Variants in SYAP1 observed in about 807,000 individuals in gnomAD.
The protein encoded by SYAP1 is synapse associated protein 1.
In SYAP1, 3 loss-of-function variants were observed where a neutral mutation model predicts 29.6. The observed-to-expected ratio is 0.10, with a 90% CI of 0.05 to 0.26. The LOEUF is 0.26. Ranked by LOEUF, SYAP1 falls within the 10% of genes least tolerant of loss-of-function variation. SYAP1 has a pLI of 1.00. For synonymous variants in SYAP1, 102 were observed against 102.7 expected, an observed-to-expected ratio of 0.99 and a Z score of 0.04; for missense variants, 217 against 264.1, an observed-to-expected ratio of 0.82 and a Z score of 1.24.
chrX:16,760,099 A>C, intron 8 of SYAP1, 133 bp from the exon 9 acceptor site: 1 of 543,733 alleles, frequency 1.8e-6, no homozygotes, highest in Non-Finnish European at 2.8e-6. Flanking sequence ...CTGAGCACAC[A>C]TAGTAGTGAA....
intron 5 of SYAP1, among the ~76,000 whole-genome samples, chrX:16,746,871 C>T (rs972588816): frequency 1.8e-5 from 2 of 112,305 alleles, no homozygotes; most frequent in Non-Finnish European, 3.8e-5. Flanking sequence ...TACAGGCCAC[C>T]GCACCCAGCC....
At position 16,762,386 on chromosome X, in the gene SYAP1, T is replaced by C. The variant is rs746504189; in HGVS notation, c.*2027T>C. On this transcript the variant is annotated 3_prime_UTR_variant, in exon 9 of 9. Coordinates refer to ENST00000380155, the MANE Select transcript of SYAP1 (RefSeq NM_032796.4). ...CTATCAATTTTACATAATATCTCAT[T>C]TAAAAACAACCTAATTATGCATTGC... is the stretch of plus-strand genomic sequence containing the variant. The C allele has an allele frequency of 4.5e-5, 5 of 111,511 alleles. No individual in the cohort carries two copies. The highest frequency in any genetic ancestry group is 7.5e-5 in the Non-Finnish European group (4 of 53,142). 9.2% of individuals were successfully genotyped at this position (111,511 alleles called of 1,213,427 possible).
chrX:16,757,241 A>C lies in SYAP1; in HGVS notation c.863A>C (p.Glu288Ala). The C allele has an allele frequency of 8.3e-7, 1 of 1,210,768 alleles. No homozygotes were observed. Among genetic ancestry groups the C allele is most frequent in the South Asian group, 1.8e-5 (1 of 56,956 alleles). Reference protein sequence around the residue: ...DAFDACNLNQEDLRKEMEQLV... With the variant: ...DAFDACNLNQADLRKEMEQLV... The stretch of plus-strand genomic sequence containing the variant: ...TTCGATGCCTGTAACCTAAATCAGG[A>C]AGATCTAAGGAAAGAAATGGAGCAA... The change falls in exon 8 of 9, where the codon GAA (glutamate) becomes GCA (alanine). Residue 288 changes from glutamate (E) to alanine (A), a missense_variant. By Grantham distance (107) the Glu-to-Ala change is moderately radical (BLOSUM62 -1). Coordinates refer to ENST00000380155, the MANE Select transcript of SYAP1 (RefSeq NM_032796.4).
At chrX:16,737,819 G>A (rs1321560317) in intron 3 of SYAP1, among the ~76,000 whole-genome samples, 1 of 112,329 alleles carries the variant, frequency 8.9e-6, no homozygotes, top group African/African-American at 3.2e-5. Flanking sequence ...TGCAGATATA[G>A]AACATTTTTG....
intron 1 of SYAP1, among the ~76,000 whole-genome samples, chrX:16,729,823 A>G (rs1389990367): frequency 9.0e-6 from 1 of 111,204 alleles, no homozygotes; most frequent in Non-Finnish European, 1.9e-5. Context: ...GAAAAACTGG[A>G]TGATACTCTT....
In SYAP1 at chrX:16,721,976, A is replaced by G. The variant is rs772701566; in HGVS notation, c.175+2077A>G. Among the ~76,000 whole-genome samples the G allele has an allele frequency of 1.7e-4, 19 of 112,556 alleles. No individual in the cohort carries two copies. The East Asian group carries it at 5.3e-3, about 31-fold the overall frequency. ...TGGAAGTACCCACAAACACACACAC[A>G]TTGTGAATTTAAAGCTTCAGAATAA... On this transcript the variant is annotated intron_variant, in intron 1 of 8. Coordinates refer to ENST00000380155, the MANE Select transcript of SYAP1 (RefSeq NM_032796.4).
intron 3 of SYAP1, among the ~76,000 whole-genome samples, chrX:16,738,387 C>A (rs1316211474): frequency 8.9e-6 from 1 of 111,856 alleles, no homozygotes; most frequent in African/African-American, 3.2e-5. Flanking sequence ...TACACTCCAG[C>A]CTGGGTGACA....
At position 16,758,451 on chromosome X, in the gene SYAP1, G is replaced by A. The variant is rs189850148; in HGVS notation, c.931+1142G>A. 7.6e-4 allele frequency among the ~76,000 whole-genome samples: 80 copies of A among 105,267 alleles called. 1 individual carries two copies. Among genetic ancestry groups the A allele is most frequent in the African/African-American group, 2.3e-3 (66 of 28,735 alleles). The allele number at this position is 105,267 out of a possible 115,157, so 91.4% of individuals were successfully genotyped here. A position where few individuals can be genotyped will look rare whatever the true frequency, so the allele number is the denominator to read the frequency against. ...CAACCTCCACCTCCTGGATTCAAGC[G>A]ATTCTCCTGCCTCAGCCTCCCAGGT... is the stretch of plus-strand genomic sequence containing the variant. On this transcript the variant is annotated intron_variant, in intron 8 of 8. Coordinates refer to ENST00000380155, the MANE Select transcript of SYAP1 (RefSeq NM_032796.4).
chrX:16,762,854 T>C lies in SYAP1; in HGVS notation c.*2495T>C, dbSNP rs967455586. The stretch of plus-strand genomic sequence containing the variant: ...TACAGTTTGGGAAGCACTGGTCTAA[T>C]ATGCTCTCAGGGAAGCTGAGGTTTC... On this transcript the variant is annotated 3_prime_UTR_variant, in exon 9 of 9. Coordinates refer to ENST00000380155, the MANE Select transcript of SYAP1 (RefSeq NM_032796.4). 6.3e-5 allele frequency: 7 copies of C among 111,585 alleles called. No homozygotes were observed. The highest frequency in any genetic ancestry group is 2.0e-4 in the African/African-American group (6 of 30,681). 9.2% of individuals were successfully genotyped at this position (111,585 alleles called of 1,213,427 possible).
intron 8 of SYAP1, among the ~76,000 whole-genome samples, chrX:16,758,352 CT>C (rs758985802): frequency 1.6e-3 from 158 of 101,870 alleles, no homozygotes; most frequent in African/African-American, 1.8e-3. Context: ...GCCCAACAGT[CT>C]TTTTTTTTTT....
intron 8 of SYAP1, among the ~76,000 whole-genome samples, chrX:16,758,245 A>C (rs1403609551): frequency 9.2e-6 from 1 of 108,598 alleles, no homozygotes; most frequent in Non-Finnish European, 1.9e-5. Flanking sequence ...GGGTCTTGCC[A>C]GATTGCCCAG....
chrX:16,720,212 CTT>C (rs758786119), intron 1 of SYAP1, among the ~76,000 whole-genome samples: 7 of 112,317 alleles, frequency 6.2e-5, no homozygotes, highest in African/African-American at 9.7e-5. Flanking sequence ...GACAAGGAAT[CTT>C]TTTTGTTCAA....
In SYAP1 at chrX:16,743,762, A is replaced by G; in HGVS notation, c.497A>G (p.Gln166Arg). ...GTGCAATTTAATTTCGACTTTGATC[A>G]GATGTACCCCGTGGCCCTGGTCATG... is the stretch of plus-strand genomic sequence containing the variant. ...AGVQFNFDFD[Q>R]MYPVALVMLQ... The change falls in exon 5 of 9, where the codon CAG (glutamine) becomes CGG (arginine). Residue 166 changes from glutamine (Q) to arginine (R), a missense_variant. Gln to Arg is a conservative substitution (Grantham distance 43). Transcript: ENST00000380155. The G allele has an allele frequency of 8.3e-7, 1 of 1,210,659 alleles. No homozygotes were observed. Among genetic ancestry groups the G allele is most frequent in the Non-Finnish European group, 1.1e-6 (1 of 894,638 alleles).
rs369700240 is a variant in SYAP1 at position 16,741,839 on chromosome X, T to C, written c.435+50T>C. The C allele has an allele frequency of 2.5e-5, 22 of 872,908 alleles. No individual in the cohort carries two copies. The African/African-American group carries it at 3.8e-4, about 15-fold the overall frequency. 71.9% of individuals were successfully genotyped at this position (872,908 alleles called of 1,213,427 possible). A position where few individuals can be genotyped will look rare whatever the true frequency, so the allele number is the denominator to read the frequency against. ...TAGAACATACTTTCTTCTGTCATGA[T>C]ATATCTCTGTTGATGTGACTTTAGT... On this transcript the variant is annotated intron_variant, in intron 4 of 8. Coordinates refer to ENST00000380155, the MANE Select transcript of SYAP1 (RefSeq NM_032796.4).
At position 16,763,759 on chromosome X, in the gene SYAP1, T is replaced by C. The variant is rs1217400468; in HGVS notation, c.*3400T>C. Reference sequence around the variant, plus strand: ...GATGCACTATTGTAATCAAGATGATTTGCTTTAATCAAAATATTGTTAAAA... The same window carrying C: ...GATGCACTATTGTAATCAAGATGATCTGCTTTAATCAAAATATTGTTAAAA... On this transcript the variant is annotated 3_prime_UTR_variant, in exon 9 of 9. Coordinates refer to ENST00000380155, the MANE Select transcript of SYAP1 (RefSeq NM_032796.4). The C allele has an allele frequency of 3.6e-5, 4 of 112,261 alleles. No individual in the cohort carries two copies. The highest frequency in any genetic ancestry group is 3.7e-5 in the Non-Finnish European group (2 of 53,341). The allele number at this position is 112,261 out of a possible 1,213,427, so 9.3% of individuals were successfully genotyped here. A position where few individuals can be genotyped will look rare whatever the true frequency, so the allele number is the denominator to read the frequency against.
intron 5 of SYAP1, among the ~76,000 whole-genome samples, chrX:16,750,878 C>A (rs1926715209): frequency 9.3e-6 from 1 of 107,717 alleles, no homozygotes; most frequent in Non-Finnish European, 1.9e-5. Flanking sequence ...AGCGATTCTC[C>A]TGCATTAGCC....
At chrX:16,739,193 TA>T (rs1340426931) in intron 3 of SYAP1, among the ~76,000 whole-genome samples, 2 of 111,633 alleles carry the variant, frequency 1.8e-5, no homozygotes, top group African/African-American at 6.5e-5. Context: ...ATGTTTAGAT[TA>T]TCTTATCATT....
In SYAP1 at chrX:16,737,563, C is replaced by T. The variant is rs192541132; in HGVS notation, c.361+1331C>T. ...TTATTTGGAAGCAGCAAAAGTGATCCTGGCTTGGGGACTTGCTGTAGGAGC... is the reference window on the plus strand; with the variant it reads ...TTATTTGGAAGCAGCAAAAGTGATCTTGGCTTGGGGACTTGCTGTAGGAGC... On this transcript the variant is annotated intron_variant, in intron 3 of 8. Transcript: ENST00000380155. Among the ~76,000 whole-genome samples the T allele has an allele frequency of 9.0e-5, 10 of 111,652 alleles. No homozygotes were observed. In the Admixed American group the frequency reaches 9.6e-4, roughly 11 times the overall value.
At chrX:16,719,965 G>A (rs1925922857) in intron 1 of SYAP1, 66 bp downstream of exon 1, 1 of 1,085,619 alleles carries the variant, frequency 9.2e-7, no homozygotes, top group Non-Finnish European at 1.2e-6. Flanking sequence ...ACGGCCCTGG[G>A]GCGCGGGCCC....
Sources: allele counts gnomAD v4.1 joint callset (sites outside exome capture counted in the v4.1 genomes callset), GRCh38; gene constraint gnomAD v4.1.1; transcripts MANE v1.5; gene names NCBI Gene and HGNC (gene_info 2026-07-23, HGNC 2026-07-21).